The following SYT14 variants were observed in gnomAD, a reference collection of about 807,000 sequenced individuals.
SYT14 encodes the protein synaptotagmin 14.
SYT14 carries 32 observed loss-of-function variants against 74.2 expected under a neutral mutation model. That is an observed-to-expected ratio of 0.43 (90% CI 0.33 to 0.58). The LOEUF (loss-of-function observed/expected upper bound fraction) is 0.58, where lower values mean the gene tolerates loss of function less well. Ranked by LOEUF, SYT14 falls within the 20% of genes least tolerant of loss-of-function variation. SYT14 has a pLI of 0.05. For missense variants in SYT14, 791 were observed against 981.8 expected, an observed-to-expected ratio of 0.81 and a Z score of 2.60; for synonymous variants, 298 against 337.7, an observed-to-expected ratio of 0.88 and a Z score of 1.29.
chr1:210,124,494 A>G (rs2082528455), intron 7 of SYT14, among the ~76,000 whole-genome samples: 1 of 152,206 alleles, frequency 6.6e-6, no homozygotes, highest in Non-Finnish European at 1.5e-5. Flanking sequence ...AAAAATCCAG[A>G]CCTAGACACA....
chr1:210,049,479 A>G (rs2102372408), intron 5 of SYT14, among the ~76,000 whole-genome samples: 1 of 149,670 alleles, frequency 6.7e-6, no homozygotes, highest in East Asian at 2.0e-4. Flanking sequence ...CATGTGCAGG[A>G]CATGCAGGTT....
intron 2 of SYT14, among the ~76,000 whole-genome samples, chr1:209,966,731 T>C (rs1221216275): frequency 6.6e-6 from 1 of 152,226 alleles, no homozygotes; most frequent in Non-Finnish European, 1.5e-5. Context: ...ATTTTGTAGA[T>C]TCTAAAGAAA....
chr1:210,108,100 G>A (rs2082191904), intron 7 of SYT14, among the ~76,000 whole-genome samples: 1 of 152,124 alleles, frequency 6.6e-6, no homozygotes, highest in South Asian at 2.1e-4. Flanking sequence ...TAATGATAGA[G>A]GGTACTTAAT....
chr1:210,076,721 G>A (rs1002596624), intron 5 of SYT14, among the ~76,000 whole-genome samples: 2 of 151,920 alleles, frequency 1.3e-5, no homozygotes, highest in Non-Finnish European at 2.9e-5. Context: ...CACATGGCTG[G>A]AGCAGGAGGA....
chr1:210,165,013 C>G (rs1380230641), exon 10 of SYT14: 1 of 152,130 alleles, frequency 6.6e-6, no homozygotes, highest in African/African-American at 2.4e-5. Flanking sequence ...TTACTAAGAT[C>G]TAGCACAATA....
chr1:209,976,560 T>C (rs1047397864), intron 2 of SYT14, among the ~76,000 whole-genome samples: 1 of 151,666 alleles, frequency 6.6e-6, no homozygotes, highest in African/African-American at 2.4e-5. Context: ...TGCACTGTGG[T>C]CTGAGAGACA....
In SYT14 at chr1:210,090,740, A is replaced by T. The variant is rs149807337; in HGVS notation, c.1313-3582A>T. On this transcript the variant is annotated intron_variant, in intron 5 of 9. Coordinates refer to ENST00000637265, the Ensembl canonical transcript of SYT14. Reference sequence around the variant, plus strand: ...TTGATGTTTACAGTGTAATTTAACAATAATAATATAAATTTTGTTACTTTA... The same window carrying T: ...TTGATGTTTACAGTGTAATTTAACATTAATAATATAAATTTTGTTACTTTA... 2.6e-3 allele frequency among the ~76,000 whole-genome samples: 392 copies of T among 152,256 alleles called. 2 individuals carry two copies. Among genetic ancestry groups the T allele is most frequent in the African/African-American group, 8.9e-3 (369 of 41,574 alleles).
At chr1:209,952,661 T>G (rs2078930802) in intron 1 of SYT14, 48 bp from the exon 2 acceptor site, 3 of 1,486,544 alleles carry the variant, frequency 2.0e-6, no homozygotes, top group East Asian at 4.5e-5. Flanking sequence ...ACAGTCAGAT[T>G]CATGCTACTT....
chr1:210,140,365 CTCTT>C (rs2102668922), intron 7 of SYT14, among the ~76,000 whole-genome samples: 1 of 152,078 alleles, frequency 6.6e-6, no homozygotes, highest in South Asian at 2.1e-4. Flanking sequence ...TTGCCTTTGT[CTCTT>C]TATTTTTGAG....
intron 7 of SYT14, among the ~76,000 whole-genome samples, chr1:210,142,721 A>G (rs2082942981): frequency 6.6e-6 from 1 of 152,214 alleles, no homozygotes. Context: ...CTGATTGAGC[A>G]TAGGAGACCT....
intron 1 of SYT14, among the ~76,000 whole-genome samples, chr1:209,942,063 C>T (rs901326139): frequency 7.9e-5 from 12 of 152,096 alleles, no homozygotes; most frequent in East Asian, 5.8e-4. Flanking sequence ...TTTCCATGCA[C>T]GGTTAGTTAA....
At chr1:210,035,642 A>G (rs1446113902) in intron 5 of SYT14, among the ~76,000 whole-genome samples, 1 of 151,852 alleles carries the variant, frequency 6.6e-6, no homozygotes, top group Non-Finnish European at 1.5e-5. Context: ...TAGCAGAGGA[A>G]TGGAAATCCA....
chr1:210,076,002 T>C (rs557999047), intron 5 of SYT14, among the ~76,000 whole-genome samples: 9 of 152,328 alleles, frequency 5.9e-5, no homozygotes, highest in African/African-American at 1.7e-4. Context: ...ACTTTAAACT[T>C]TTTGATGGCA....
chr1:210,106,000 A>T (rs1309700199), intron 7 of SYT14, among the ~76,000 whole-genome samples: 1 of 152,150 alleles, frequency 6.6e-6, no homozygotes, highest in Non-Finnish European at 1.5e-5. Context: ...AGCCAATTAA[A>T]CGTCTTTTCT....
intron 5 of SYT14, among the ~76,000 whole-genome samples, chr1:210,070,065 C>T (rs945363360): frequency 3.9e-5 from 6 of 152,062 alleles, no homozygotes; most frequent in Admixed American, 3.9e-4. Flanking sequence ...GTCACTTAAA[C>T]ATCACTTAGC....
At chr1:209,972,229 A>G (rs1021602318) in intron 2 of SYT14, among the ~76,000 whole-genome samples, 3 of 151,362 alleles carry the variant, frequency 2.0e-5, no homozygotes, top group African/African-American at 7.3e-5. Flanking sequence ...AATTGGTTGT[A>G]ATGTCTGGAT....
At chr1:210,081,448 A>G (rs1210865956) in intron 5 of SYT14, among the ~76,000 whole-genome samples, 2 of 152,230 alleles carry the variant, frequency 1.3e-5, no homozygotes, top group South Asian at 2.1e-4. Flanking sequence ...CCTAGTACAT[A>G]TAAGTGTTAT....
At chr1:209,949,288 C>T (rs1226402848) in intron 1 of SYT14, among the ~76,000 whole-genome samples, 3 of 152,088 alleles carry the variant, frequency 2.0e-5, no homozygotes, top group Non-Finnish European at 4.4e-5. Context: ...ATAAAAGGAA[C>T]ACTAGGCTGG....
At chr1:210,138,573 G>T (rs1572364992) in intron 7 of SYT14, among the ~76,000 whole-genome samples, 1 of 152,144 alleles carries the variant, frequency 6.6e-6, no homozygotes, top group South Asian at 2.1e-4. Flanking sequence ...TTGATATATT[G>T]TTTAATTGCT....
Sources: allele counts gnomAD v4.1 joint callset (sites outside exome capture counted in the v4.1 genomes callset), GRCh38; gene constraint gnomAD v4.1.1; transcripts MANE v1.5; gene names NCBI Gene and HGNC (gene_info 2026-07-23, HGNC 2026-07-21).